The following VPS53 variants were observed in gnomAD, a reference collection of about 807,000 sequenced individuals.
The protein encoded by VPS53 is VPS53 subunit of GARP complex, also known as vacuolar protein sorting-associated protein 53 homolog.
A neutral mutation model predicts 107.0 loss-of-function variants in VPS53; 70 were observed. The ratio of observed to expected loss-of-function variants is 0.65; its 90% CI spans 0.54 to 0.80. The LOEUF is 0.80. Among genes scored for constraint, VPS53 ranks in the 30% least tolerant of loss-of-function variants. The pLI, the probability that VPS53 is intolerant of heterozygous loss-of-function variation, is 0.00. For synonymous variants in VPS53, 409 were observed against 393.3 expected, an observed-to-expected ratio of 1.04 and a Z score of -0.47; for missense variants, 917 against 1,049.4, an observed-to-expected ratio of 0.87 and a Z score of 1.74.
At chr17:566,414 A>T (rs74935267) in intron 13 of VPS53, among the ~76,000 whole-genome samples, 2,373 of 152,256 alleles carry the variant, frequency 0.016, 25 homozygotes, top group Middle Eastern at 0.031. Flanking sequence ...GTGCCTGTTA[A>T]CACAAGCTCC....
At chr17:527,465 T>C (rs1315785199) in intron 19 of VPS53, among the ~76,000 whole-genome samples, 1 of 152,100 alleles carries the variant, frequency 6.6e-6, no homozygotes, top group Non-Finnish European at 1.5e-5. Flanking sequence ...TACTCAAGAG[T>C]AGAACTGCTG....
At chr17:678,081 A>T (rs1972237379) in intron 4 of VPS53, among the ~76,000 whole-genome samples, 1 of 152,092 alleles carries the variant, frequency 6.6e-6, no homozygotes, top group Non-Finnish European at 1.5e-5. Context: ...TGATTTTATC[A>T]CTGCACTGAA....
chr17:595,251 T>C (rs113074223), intron 12 of VPS53, among the ~76,000 whole-genome samples: 18,556 of 47,064 alleles, frequency 0.39, 5,150 homozygotes, highest in Non-Finnish European at 0.57. Context: ...TCTAGTGCCC[T>C]GCCCTGGAGG....
chr17:651,186 G>A (rs1023475250), intron 7 of VPS53, among the ~76,000 whole-genome samples: 1 of 152,042 alleles, frequency 6.6e-6, no homozygotes, highest in Non-Finnish European at 1.5e-5. Flanking sequence ...ACAGATTTAC[G>A]TAAATACACA....
At chr17:555,775 C>A in intron 15 of VPS53, among the ~76,000 whole-genome samples, 1 of 152,138 alleles carries the variant, frequency 6.6e-6, no homozygotes, top group East Asian at 1.9e-4. Context: ...ATGTAGTTTT[C>A]TGTAAAAAAG....
At position 511,246 on chromosome 17, in the gene VPS53, A is replaced by G. The variant is rs1448449409; in HGVS notation, c.*7882T>C. On this transcript the variant is annotated 3_prime_UTR_variant, in exon 22 of 22. Coordinates refer to ENST00000437048, the MANE Select transcript of VPS53 (RefSeq NM_001128159.3). The stretch of plus-strand genomic sequence containing the variant: ...TTTTCCATCAGCGCAAGGCAAACAC[A>G]TGAAGGGAGCTGGGGTTTCTTGCCA... 4 of 152,166 alleles carry G rather than the reference A, an allele frequency of 2.6e-5. No homozygotes were observed. Among genetic ancestry groups the G allele is most frequent in the South Asian group, 4.1e-4 (2 of 4,822 alleles). 9.4% of individuals were successfully genotyped at this position (152,166 alleles called of 1,614,324 possible).
intron 10 of VPS53, among the ~76,000 whole-genome samples, chr17:625,775 G>A (rs1488813818): frequency 6.6e-6 from 1 of 152,128 alleles, no homozygotes; most frequent in East Asian, 1.9e-4. Flanking sequence ...GCCCCACAAT[G>A]TGTTTGAAAC....
intron 13 of VPS53, among the ~76,000 whole-genome samples, chr17:568,622 T>G (rs1013925907): frequency 6.6e-6 from 1 of 152,210 alleles, no homozygotes; most frequent in Non-Finnish European, 1.5e-5. Context: ...GCTGAGGATG[T>G]TGCTCTGGTG....
intron 8 of VPS53, among the ~76,000 whole-genome samples, chr17:628,848 T>C (rs1969825994): frequency 6.6e-6 from 1 of 152,182 alleles, no homozygotes; most frequent in Non-Finnish European, 1.5e-5. Context: ...GAGCGAACAC[T>C]GGAAAGATAC....
At chr17:622,814 C>T (rs1167630527) in intron 11 of VPS53, among the ~76,000 whole-genome samples, 2 of 152,024 alleles carry the variant, frequency 1.3e-5, no homozygotes, top group Non-Finnish European at 2.9e-5. Context: ...ATCCTCCTGC[C>T]TCAGCCTCCC....
intron 10 of VPS53, among the ~76,000 whole-genome samples, chr17:625,034 A>G (rs116886205): frequency 0.09 from 11,482 of 127,884 alleles, 559 homozygotes; most frequent in Middle Eastern, 0.12. Flanking sequence ...TCTGTCACCC[A>G]GGGCTGGAGT....
intron 12 of VPS53, among the ~76,000 whole-genome samples, chr17:597,485 GTGTTATTACTAA>G (rs1239160806): frequency 6.6e-6 from 1 of 152,218 alleles, no homozygotes; most frequent in Non-Finnish European, 1.5e-5. Flanking sequence ...TGGCATGTAA[GTGTTATTACTAA>G]TCAGTAATAG....
At chr17:596,813 T>C (rs1967996385) in intron 12 of VPS53, among the ~76,000 whole-genome samples, 2 of 152,198 alleles carry the variant, frequency 1.3e-5, no homozygotes, top group African/African-American at 4.8e-5. Context: ...TTAGCAGTAA[T>C]GTTTGGGCCG....
intron 4 of VPS53, among the ~76,000 whole-genome samples, chr17:662,773 G>GAAAGAAAGAAAGAAAGAAAGAAAGAGAA (rs34869514): frequency 1.7e-5 from 1 of 59,342 alleles, no homozygotes; most frequent in Non-Finnish European, 3.9e-5. Context: ...AAGAAAGAAA[G>GAAAGAAAGAAAGAAAGAAAGAAAGAGAA]AGAAAGAAAG....
chr17:663,523 G>A (rs1971558109), intron 4 of VPS53, among the ~76,000 whole-genome samples: 1 of 151,602 alleles, frequency 6.6e-6, no homozygotes, highest in Non-Finnish European at 1.5e-5. Flanking sequence ...ACTACCTACA[G>A]CTAAAGTACC....
intron 4 of VPS53, among the ~76,000 whole-genome samples, chr17:696,496 A>G (rs991243743): frequency 5.9e-5 from 9 of 152,202 alleles, no homozygotes; most frequent in African/African-American, 2.2e-4. Flanking sequence ...TCCTGACCTG[A>G]GTTAGTGCTG....
Position 524,216 on chromosome 17 carries a change from T to A in VPS53, c.2086-2478A>T, listed in dbSNP as rs901277457. On this transcript the variant is annotated intron_variant, in intron 19 of 21. Transcript: ENST00000437048. This position sits in a 1 kb window ranked among gnomAD's most constrained non-coding sequence, Gnocchi z 4.5. The stretch of plus-strand genomic sequence containing the variant: ...CGGGAGGCTGAGGCAGGAGAATTGC[T>A]TGAACCTGGGAGGTTTGCGCTACAG... Among the ~76,000 whole-genome samples the A allele has an allele frequency of 1.3e-5, 2 of 151,978 alleles. No homozygotes were observed. Among genetic ancestry groups the A allele is most frequent in the Non-Finnish European group, 2.9e-5 (2 of 67,992 alleles).
chr17:624,149 G>T (rs1484928251), intron 10 of VPS53, among the ~76,000 whole-genome samples: 1 of 151,912 alleles, frequency 6.6e-6, no homozygotes, highest in Non-Finnish European at 1.5e-5. Context: ...TGAGCCACCA[G>T]TAATTTGGTT....
intron 12 of VPS53, among the ~76,000 whole-genome samples, chr17:587,150 C>T (rs1967363468): frequency 6.6e-6 from 1 of 152,162 alleles, no homozygotes; most frequent in Non-Finnish European, 1.5e-5. Context: ...GCAACCTGCA[C>T]CTTCTGGACT....
Sources: allele counts gnomAD v4.1 joint callset (sites outside exome capture counted in the v4.1 genomes callset), GRCh38; gene constraint gnomAD v4.1.1; non-coding constraint Gnocchi (gnomAD v3.1); transcripts MANE v1.5; gene names NCBI Gene and HGNC (gene_info 2026-07-23, HGNC 2026-07-21).